The following NPR3 variants were observed in gnomAD, a reference collection of about 807,000 sequenced individuals.
NPR3 encodes the protein atrial natriuretic peptide receptor 3.
Under a neutral mutation model 54.5 loss-of-function variants are expected in NPR3, and 34 were observed. That is an observed-to-expected ratio of 0.62 (90% CI 0.47 to 0.83). NPR3 has a LOEUF of 0.83. Among genes scored for constraint, NPR3 ranks in the 40% least tolerant of loss-of-function variants. NPR3 has a pLI of 0.00. For missense variants in NPR3, 674 were observed against 720.8 expected, an observed-to-expected ratio of 0.94 and a Z score of 0.74; for synonymous variants, 289 against 297.1, an observed-to-expected ratio of 0.97 and a Z score of 0.28.
At chr5:32,765,107 G>A (rs561634238) in intron 3 of NPR3, among the ~76,000 whole-genome samples, 91 of 152,238 alleles carry the variant, frequency 6.0e-4, no homozygotes, top group African/African-American at 2.1e-3. Context: ...CTAGGTTGGT[G>A]CATTAAAAGT....
chr5:32,726,084 G>T (rs1425941105), intron 2 of NPR3, among the ~76,000 whole-genome samples: 1 of 152,150 alleles, frequency 6.6e-6, no homozygotes, highest in African/African-American at 2.4e-5. Flanking sequence ...TTTCTCAAAC[G>T]CTGCATGCTG....
At chr5:32,741,646 A>G (rs1316087949) in intron 3 of NPR3, among the ~76,000 whole-genome samples, 1 of 152,160 alleles carries the variant, frequency 6.6e-6, no homozygotes, top group African/African-American at 2.4e-5. Context: ...GCCTATTAAA[A>G]CTGACTTTAT....
chr5:32,713,024 C>T (rs1353251237), intron 1 of NPR3: 2 of 323,804 alleles, frequency 6.2e-6, no homozygotes, highest in Non-Finnish European at 8.9e-6. Flanking sequence ...CTTAGCTCGC[C>T]CGCTCTTGGG....
chr5:32,780,298 G>A (rs2112065246), intron 4 of NPR3, among the ~76,000 whole-genome samples: 1 of 152,206 alleles, frequency 6.6e-6, no homozygotes, highest in South Asian at 2.1e-4. Flanking sequence ...CTGAGTCCTG[G>A]GCTGGAATGA....
chr5:32,706,235 G>A (rs530509606), upstream of NPR3, among the ~76,000 whole-genome samples: 11 of 152,248 alleles, frequency 7.2e-5, no homozygotes, highest in African/African-American at 1.7e-4. Context: ...GGCCCTCGTC[G>A]GAAGCCGAGC....
chr5:32,704,176 CTGTCTCTCAAGTGCACAGAT>C (rs1737922058), intron 1 of NPR3, among the ~76,000 whole-genome samples: 1 of 152,182 alleles, frequency 6.6e-6, no homozygotes, highest in South Asian at 2.1e-4. Flanking sequence ...TCATTGCACT[CTGTCTCTCAAGTGCACAGAT>C]TCTCTCTCCA....
At chr5:32,753,215 G>A (rs567182514) in intron 3 of NPR3, among the ~76,000 whole-genome samples, 1 of 152,172 alleles carries the variant, frequency 6.6e-6, no homozygotes, top group African/African-American at 2.4e-5. Context: ...ATTAATTTCA[G>A]TTAGAAAGAT....
chr5:32,725,054 C>T (rs1554013939), intron 2 of NPR3, among the ~76,000 whole-genome samples: 2 of 152,028 alleles, frequency 1.3e-5, no homozygotes, highest in Admixed American at 6.5e-5. Context: ...CTCTCACTTA[C>T]AAGTGGGAGC....
At chr5:32,699,330 G>A (rs911041519) in intron 1 of NPR3, among the ~76,000 whole-genome samples, 2 of 152,140 alleles carry the variant, frequency 1.3e-5, no homozygotes, top group African/African-American at 4.8e-5. Flanking sequence ...GGATACAAGT[G>A]CAGAACATGT....
intron 3 of NPR3, among the ~76,000 whole-genome samples, chr5:32,763,973 T>G (rs1349924400): frequency 6.6e-6 from 1 of 152,200 alleles, no homozygotes; most frequent in African/African-American, 2.4e-5. Context: ...GAATTGTTAG[T>G]CTTTGGACAT....
In NPR3 at chr5:32,722,046, A is replaced by C. The variant is rs1048488456; in HGVS notation, c.770-2652A>C. ...CATCTCCAAATACCACCAACAAATG[A>C]TTTTGAGCATTAAGTTTTCAACACA... On this transcript the variant is annotated intron_variant, in intron 1 of 7. Coordinates refer to ENST00000265074, the MANE Select transcript of NPR3 (RefSeq NM_001204375.2). Among the ~76,000 whole-genome samples the C allele has an allele frequency of 2.2e-4, 33 of 152,240 alleles. 1 individual carries two copies. The highest frequency in any genetic ancestry group is 3.4e-3 in the Middle Eastern group (1 of 294).
At chr5:32,752,307 C>T (rs949394639) in intron 3 of NPR3, among the ~76,000 whole-genome samples, 9 of 152,058 alleles carry the variant, frequency 5.9e-5, no homozygotes, top group African/African-American at 1.2e-4. Context: ...TGGGAGGTGA[C>T]GTTATTTGAA....
At chr5:32,720,112 G>C (rs982651487) in intron 1 of NPR3, among the ~76,000 whole-genome samples, 4 of 152,156 alleles carry the variant, frequency 2.6e-5, no homozygotes, top group African/African-American at 9.7e-5. Flanking sequence ...ATCACATATA[G>C]TGCCATTTAG....
upstream of NPR3, among the ~76,000 whole-genome samples, chr5:32,708,467 T>A (rs1561071089): frequency 6.6e-6 from 1 of 152,192 alleles, no homozygotes; most frequent in Non-Finnish European, 1.5e-5. Flanking sequence ...AAATTTGATA[T>A]AAAGAATGTT....
intron 1 of NPR3, among the ~76,000 whole-genome samples, chr5:32,691,073 C>T (rs1740377149): frequency 6.6e-6 from 1 of 152,124 alleles, no homozygotes; most frequent in Admixed American, 6.5e-5. Flanking sequence ...AAGAGCTGCC[C>T]ATCTGAAGTT....
At chr5:32,747,477 T>C (rs1740360301) in intron 3 of NPR3, among the ~76,000 whole-genome samples, 1 of 152,196 alleles carries the variant, frequency 6.6e-6, no homozygotes, top group South Asian at 2.1e-4. Context: ...CTTTCCAGTA[T>C]AGCTTTTTGT....
chr5:32,767,775 C>T (rs367967631), intron 3 of NPR3, among the ~76,000 whole-genome samples: 1 of 151,928 alleles, frequency 6.6e-6, no homozygotes, highest in Non-Finnish European at 1.5e-5. Flanking sequence ...CATATAAAAA[C>T]CTGTATTTTT....
intron 1 of NPR3, chr5:32,713,058 A>T (rs969536779): frequency 1.8e-6 from 1 of 565,030 alleles, no homozygotes; most frequent in Non-Finnish European, 2.2e-6. Context: ...TTGTTTCCAC[A>T]GACCCCAGGT....
At chr5:32,764,749 C>T (rs1374710897) in intron 3 of NPR3, among the ~76,000 whole-genome samples, 1 of 136,950 alleles carries the variant, frequency 7.3e-6, no homozygotes, top group Non-Finnish European at 1.5e-5. Flanking sequence ...GATCACGCCA[C>T]TCCATTCCAG....
Sources: allele counts gnomAD v4.1 joint callset (sites outside exome capture counted in the v4.1 genomes callset), GRCh38; gene constraint gnomAD v4.1.1; transcripts MANE v1.5; gene names NCBI Gene and HGNC (gene_info 2026-07-23, HGNC 2026-07-21).